Variants in EVI5 observed in about 807,000 individuals in gnomAD.
The protein encoded by EVI5 is ecotropic viral integration site 5, also known as ecotropic viral integration site 5 protein homolog.
In EVI5, 73 loss-of-function variants were observed where a neutral mutation model predicts 112.0. The ratio of observed to expected loss-of-function variants is 0.65; its 90% CI spans 0.54 to 0.79. The LOEUF (loss-of-function observed/expected upper bound fraction) is 0.79. Among genes scored for constraint, EVI5 ranks in the 30% least tolerant of loss-of-function variants. EVI5 has a pLI of 0.00. For missense variants in EVI5, 900 were observed against 968.8 expected, an observed-to-expected ratio of 0.93 and a Z score of 0.94; for synonymous variants, 305 against 319.9, an observed-to-expected ratio of 0.95 and a Z score of 0.50.
intron 16 of EVI5, among the ~76,000 whole-genome samples, chr1:92,623,502 G>C (rs1655010602): frequency 6.6e-6 from 1 of 152,064 alleles, no homozygotes; most frequent in Non-Finnish European, 1.5e-5. Context: ...CATGCAAATG[G>C]GTTTCATAAA....
rs201716127 is a variant in EVI5, at chr1:92,792,400, G to A, written c.-6C>T. 1.8e-4 allele frequency: 289 copies of A among 1,607,752 alleles called. 3 individuals carry two copies. The South Asian group carries it at 3.1e-3, about 17-fold the overall frequency. ...GTCATTTTGTTGGTAACCATGATAA[G>A]CAGAGAAGACAGAGAGACTGGGGAT... On this transcript the variant is annotated 5_prime_UTR_variant, in exon 1 of 18. Transcript: ENST00000370331.
chr1:92,561,616 T>C (rs571493538), intron 19 of EVI5, among the ~76,000 whole-genome samples: 33 of 83,924 alleles, frequency 3.9e-4, no homozygotes, highest in Admixed American at 1.3e-3. Context: ...ATCCTATCTA[T>C]CTATCTATCT....
upstream of EVI5, among the ~76,000 whole-genome samples, chr1:92,789,517 C>T (rs571730660): frequency 1.1e-4 from 17 of 152,146 alleles, no homozygotes; most frequent in South Asian, 6.2e-4. Flanking sequence ...TTAGCCAGGA[C>T]GGTCTCAATC....
intron 1 of EVI5, among the ~76,000 whole-genome samples, chr1:92,783,774 C>A (rs1364118440): frequency 7.1e-6 from 1 of 141,038 alleles, no homozygotes; most frequent in South Asian, 2.2e-4. Context: ...GTCGCCACTG[C>A]ACTCCAGTCT....
At chr1:92,626,084 T>A in intron 14 of EVI5, 150 bp from the exon 15 acceptor site, 2 of 559,516 alleles carry the variant, frequency 3.6e-6, no homozygotes, top group Non-Finnish European at 6.3e-6. Context: ...CTCACCCTTT[T>A]AAAATACACA....
rs186993794 is a variant in EVI5 at position 92,715,051 on chromosome 1, G to A, written c.150-10307C>T. Among the ~76,000 whole-genome samples the A allele has an allele frequency of 1.8e-3, 278 of 151,336 alleles. 3 individuals are homozygous for A. The highest frequency in any genetic ancestry group is 1.8e-3 in the Non-Finnish European group (122 of 67,906). The stretch of plus-strand genomic sequence containing the variant: ...GATGGAGTCTCACTCTGTCACCCAC[G>A]ATGGAGTGCAGTGGCACGATCTCGG... On this transcript the variant is annotated intron_variant, in intron 2 of 19. Coordinates refer to ENST00000684568, the MANE Select transcript of EVI5 (RefSeq NM_001350197.2).
chr1:92,713,601 C>T (rs2102631197), intron 2 of EVI5, among the ~76,000 whole-genome samples: 1 of 152,094 alleles, frequency 6.6e-6, no homozygotes, highest in South Asian at 2.1e-4. Flanking sequence ...CATGGTGAAA[C>T]CCCATCTCTA....
chr1:92,549,320 T>C (rs1195292159), intron 19 of EVI5, among the ~76,000 whole-genome samples: 1 of 151,974 alleles, frequency 6.6e-6, no homozygotes, highest in Non-Finnish European at 1.5e-5. Flanking sequence ...ACTGGATCCC[T>C]TCCTTACACC....
At chr1:92,698,972 C>T (rs767571532) in intron 5 of EVI5, among the ~76,000 whole-genome samples, 1 of 152,178 alleles carries the variant, frequency 6.6e-6, no homozygotes, top group Non-Finnish European at 1.5e-5. Flanking sequence ...CCATCTTTCT[C>T]AAAATAATAA....
intron 14 of EVI5, among the ~76,000 whole-genome samples, chr1:92,634,483 C>G (rs1658275251): frequency 6.6e-6 from 1 of 152,156 alleles, no homozygotes. Context: ...GCTACTGAGG[C>G]TTGTGCATTC....
rs36036236 is a variant in EVI5 at position 92,781,954 on chromosome 1, C to CA, written c.-82+2881dup. 2.1e-3 allele frequency among the ~76,000 whole-genome samples: 99 copies of CA among 47,004 alleles called. 1 individual carries two copies. Among genetic ancestry groups the CA allele is most frequent in the Non-Finnish European group, 2.6e-3 (75 of 28,728 alleles). The allele number at this position is 47,004 out of a possible 152,430, so 30.8% of individuals were successfully genotyped here. The stretch of plus-strand genomic sequence containing the variant: ...TGGGCAACAGAGTGAGATTCTGTCT[C>CA]AAAAAAAAAAAAAAAAAAAAAAAAG... On this transcript the variant is annotated intron_variant, in intron 1 of 19. Transcript: ENST00000684568.
At chr1:92,691,519 G>A (rs960028673) in intron 9 of EVI5, among the ~76,000 whole-genome samples, 17 of 152,124 alleles carry the variant, frequency 1.1e-4, no homozygotes, top group African/African-American at 3.6e-4. Context: ...TAGCTAATGA[G>A]TAAAATCTAT....
chr1:92,549,412 C>T (rs1455439176), intron 19 of EVI5, among the ~76,000 whole-genome samples: 3 of 151,810 alleles, frequency 2.0e-5, no homozygotes, highest in Admixed American at 2.0e-4. Flanking sequence ...AAAACCTAGG[C>T]AATACCATTC....
intron 19 of EVI5, among the ~76,000 whole-genome samples, chr1:92,538,113 G>A (rs955972057): frequency 2.0e-5 from 3 of 152,166 alleles, no homozygotes; most frequent in Non-Finnish European, 4.4e-5. Context: ...TTTCTACAGT[G>A]CATACTTAGA....
At chr1:92,772,339 G>A (rs950818994) in intron 1 of EVI5, among the ~76,000 whole-genome samples, 1 of 151,952 alleles carries the variant, frequency 6.6e-6, no homozygotes, top group Non-Finnish European at 1.5e-5. Context: ...GCTCACGCCT[G>A]TAATCCCAGC....
At chr1:92,695,590 A>T (rs922073599) in intron 6 of EVI5, 137 bp from the exon 7 acceptor site, 1 of 485,336 alleles carries the variant, frequency 2.1e-6, no homozygotes, top group African/African-American at 2.0e-5. Context: ...ATAGACATTG[A>T]AACATCTGGG....
chr1:92,631,619 T>C (rs1657125311), intron 14 of EVI5, among the ~76,000 whole-genome samples: 1 of 152,226 alleles, frequency 6.6e-6, no homozygotes, highest in African/African-American at 2.4e-5. Context: ...CATCATGTCA[T>C]CTGCAAACAG....
At chr1:92,737,322 T>C (rs1327552003) in intron 1 of EVI5, among the ~76,000 whole-genome samples, 1 of 151,996 alleles carries the variant, frequency 6.6e-6, no homozygotes, top group East Asian at 1.9e-4. Context: ...TAGGAAAGAG[T>C]AGTACATTCT....
intron 1 of EVI5, among the ~76,000 whole-genome samples, chr1:92,767,063 A>G (rs902882258): frequency 2.1e-5 from 3 of 144,170 alleles, no homozygotes; most frequent in Non-Finnish European, 3.0e-5. Flanking sequence ...AGCCTGGGAG[A>G]CAGAGCAAGA....
Sources: gnomAD v4.1 joint callset for allele counts (sites outside exome capture counted in the v4.1 genomes callset) on GRCh38, gnomAD v4.1.1 for gene constraint, MANE v1.5 for transcripts, NCBI Gene and HGNC (gene_info 2026-07-23, HGNC 2026-07-21) for gene names.